Variants in RNF150 observed in about 807,000 individuals in gnomAD.
RNF150 encodes ring finger protein 150.
RNF150 carries 24 observed loss-of-function variants against 39.3 expected under a neutral mutation model. That is an observed-to-expected ratio of 0.61 (90% CI 0.44 to 0.86). The LOEUF (loss-of-function observed/expected upper bound fraction) is 0.86. RNF150 is among the 40% of genes least tolerant of loss of function. The pLI is 0.00. For missense variants in RNF150, 502 were observed against 587.8 expected (o/e 0.85, Z 1.51); for synonymous variants, 255 against 227.3 (o/e 1.12, Z -1.10).
At chr4:141,053,662 A>C (rs60653888) in intron 1 of RNF150, 104,972 of 1,365,258 alleles carry the variant, frequency 0.077, 6,261 homozygotes, top group East Asian at 0.41. Flanking sequence ...AGGCTAAAGC[A>C]TACCTGAGGA....
chr4:141,201,608 G>A (rs908092240), intron 1 of RNF150, among the ~76,000 whole-genome samples: 21 of 145,150 alleles, frequency 1.4e-4, no homozygotes, highest in Admixed American at 6.9e-5. Context: ...ATGAAAAGGA[G>A]AGAATGGGTG....
At chr4:141,028,606 G>A (rs1560697181) in intron 1 of RNF150, among the ~76,000 whole-genome samples, 1 of 152,146 alleles carries the variant, frequency 6.6e-6, no homozygotes, top group Non-Finnish European at 1.5e-5. Context: ...AGTGTAGTAT[G>A]TATCATGTTC....
chr4:140,960,753 C>T (rs1445754498), intron 2 of RNF150, among the ~76,000 whole-genome samples: 1 of 151,792 alleles, frequency 6.6e-6, no homozygotes, highest in Admixed American at 6.6e-5. Flanking sequence ...GTCAATAGAG[C>T]TAAAAAGGCC....
chr4:140,919,483 C>A (rs548412206), intron 5 of RNF150, among the ~76,000 whole-genome samples: 2 of 147,988 alleles, frequency 1.4e-5, no homozygotes, highest in South Asian at 2.3e-4. Flanking sequence ...TTACAAGGGA[C>A]GTGAAGGACC....
chr4:141,026,222 C>T (rs1344415629), intron 1 of RNF150, among the ~76,000 whole-genome samples: 1 of 151,976 alleles, frequency 6.6e-6, no homozygotes, highest in Admixed American at 6.6e-5. Context: ...TACATGTCAG[C>T]TACTGTACAA....
intron 6 of RNF150, among the ~76,000 whole-genome samples, chr4:140,900,842 C>A (rs922602482): frequency 4.0e-5 from 6 of 151,438 alleles, no homozygotes; most frequent in African/African-American, 1.5e-4. Context: ...ATATACATAT[C>A]GATTCATTTA....
At chr4:140,941,412 G>A (rs930791283) in intron 4 of RNF150, among the ~76,000 whole-genome samples, 1 of 152,168 alleles carries the variant, frequency 6.6e-6, no homozygotes, top group Non-Finnish European at 1.5e-5. Flanking sequence ...CTTGTACAGA[G>A]TTAATATGAA....
intron 3 of RNF150, among the ~76,000 whole-genome samples, chr4:140,948,779 T>A (rs1444169587): frequency 6.6e-6 from 1 of 152,198 alleles, no homozygotes; most frequent in Non-Finnish European, 1.5e-5. Flanking sequence ...AGGGGTTGAA[T>A]ATACTTCCTG....
chr4:141,183,514 TTTTATTTTATTTTAC>T (rs759497560), intron 1 of RNF150, among the ~76,000 whole-genome samples: 39 of 143,526 alleles, frequency 2.7e-4, no homozygotes, highest in Non-Finnish European at 4.7e-4. Flanking sequence ...GTCCTCAAGA[TTTTATTTTATTTTAC>T]TTTATTTTAT....
chr4:141,166,419 G>C (rs1727602841), intron 1 of RNF150, among the ~76,000 whole-genome samples: 1 of 152,120 alleles, frequency 6.6e-6, no homozygotes, highest in African/African-American at 2.4e-5. Context: ...CAAACAATGG[G>C]AAAAGAGGGA....
chr4:141,045,425 G>A (rs913612018), intron 1 of RNF150, among the ~76,000 whole-genome samples: 10 of 152,128 alleles, frequency 6.6e-5, no homozygotes, highest in Non-Finnish European at 1.5e-4. Flanking sequence ...TAAGGTCCCT[G>A]ATTTCAAGCA....
chr4:141,154,933 A>G (rs10020394), intron 1 of RNF150, among the ~76,000 whole-genome samples: 80,784 of 151,954 alleles, frequency 0.53, 21,756 homozygotes, highest in East Asian at 0.81. Flanking sequence ...GGCATTTTAG[A>G]AATATGCCTA....
At position 140,862,857 on chromosome 4, in the gene RNF150, A is replaced by C. The variant is rs1337290276; in HGVS notation, c.*5404T>G. ...AGCACGCACATTTTGTTAAGCACAG[A>C]AGCTTTCCAGCCCTGCTTTGACCAG... On this transcript the variant is annotated 3_prime_UTR_variant, in exon 7 of 7. Transcript: ENST00000515673. The C allele has an allele frequency of 3.3e-5, 5 of 152,146 alleles. No homozygotes were observed. Among genetic ancestry groups the C allele is most frequent in the Admixed American group, 3.3e-4 (5 of 15,270 alleles). The allele number at this position is 152,146 out of a possible 1,614,324, so 9.4% of individuals were successfully genotyped here. A position where few individuals can be genotyped will look rare whatever the true frequency, so the allele number is the denominator to read the frequency against.
chr4:141,077,247 T>A (rs938729181), intron 1 of RNF150, among the ~76,000 whole-genome samples: 1 of 152,156 alleles, frequency 6.6e-6, no homozygotes, highest in Non-Finnish European at 1.5e-5. Context: ...CAAAGTGGAA[T>A]CAACAAATAG....
At chr4:140,941,129 C>A (rs1399586940) in intron 4 of RNF150, among the ~76,000 whole-genome samples, 3 of 152,270 alleles carry the variant, frequency 2.0e-5, no homozygotes, top group African/African-American at 7.2e-5. Context: ...CTAAAAAACA[C>A]CTTTTGGCTA....
intron 6 of RNF150, among the ~76,000 whole-genome samples, chr4:140,899,161 T>G (rs998976123): frequency 6.6e-6 from 1 of 152,182 alleles, no homozygotes; most frequent in Non-Finnish European, 1.5e-5. Flanking sequence ...AAAGAAGTAC[T>G]GCTGCCCTGA....
intron 1 of RNF150, among the ~76,000 whole-genome samples, chr4:141,053,313 A>G (rs1736848987): frequency 6.6e-6 from 1 of 152,228 alleles, no homozygotes; most frequent in African/African-American, 2.4e-5. Flanking sequence ...TAAAATGAGA[A>G]TGAAGAATCA....
At chr4:141,054,898 T>A (rs530909181) in intron 1 of RNF150, among the ~76,000 whole-genome samples, 1 of 152,280 alleles carries the variant, frequency 6.6e-6, no homozygotes, top group South Asian at 2.1e-4. Flanking sequence ...GAGAAATTGC[T>A]AAAGCAAATG....
At chr4:140,868,483 G>C (rs1728802478) in intron 6 of RNF150, 104 bp from the exon 7 acceptor site, 1 of 700,118 alleles carries the variant, frequency 1.4e-6, no homozygotes, top group Non-Finnish European at 2.5e-6. Flanking sequence ...AAGGCCAAGA[G>C]AAGGTATTAG....
Sources: gnomAD v4.1 joint callset for allele counts (sites outside exome capture counted in the v4.1 genomes callset) on GRCh38, gnomAD v4.1.1 for gene constraint, MANE v1.5 for transcripts, NCBI Gene and HGNC (gene_info 2026-07-23, HGNC 2026-07-21) for gene names.